Variants in BMERB1 observed in about 807,000 individuals in gnomAD.
BMERB1 encodes bMERB domain containing 1.
BMERB1 carries 12 observed loss-of-function variants against 23.6 expected under a neutral mutation model. The ratio of observed to expected loss-of-function variants is 0.51; its 90% CI spans 0.33 to 0.82. BMERB1 has a LOEUF of 0.82. BMERB1 is among the 40% of genes least tolerant of loss of function. The probability of loss-of-function intolerance (pLI) is 0.03; values close to 1 mark genes in which losing one functional copy is unlikely to be tolerated. For missense variants in BMERB1, 247 were observed against 255.4 expected (o/e 0.97, Z 0.22); for synonymous variants, 122 against 96.6 (o/e 1.26, Z -1.54).
chr16:15,502,738 C>T (rs1323441989), intron 1 of BMERB1, among the ~76,000 whole-genome samples: 1 of 152,094 alleles, frequency 6.6e-6, no homozygotes, highest in Non-Finnish European at 1.5e-5. Context: ...GGGTCAATAG[C>T]AGCAACTGGC....
At chr16:15,523,135 CG>C (rs2051873071) in intron 2 of BMERB1, among the ~76,000 whole-genome samples, 1 of 152,106 alleles carries the variant, frequency 6.6e-6, no homozygotes, top group Admixed American at 6.5e-5. Flanking sequence ...GGCACTCCTC[CG>C]ACTGCCCAGG....
At chr16:15,586,384 A>G (rs1272940362) in intron 5 of BMERB1, among the ~76,000 whole-genome samples, 1 of 152,156 alleles carries the variant, frequency 6.6e-6, no homozygotes, top group Non-Finnish European at 1.5e-5. Context: ...AAAATTTCCC[A>G]TTTATCTATT....
chr16:15,532,256 A>G (rs1423220485), intron 2 of BMERB1, among the ~76,000 whole-genome samples: 8 of 151,878 alleles, frequency 5.3e-5, no homozygotes, highest in Middle Eastern at 3.4e-3. Flanking sequence ...TTTTGAGACA[A>G]AGTCTCACTC....
chr16:15,492,304 C>G (rs1395060886), intron 1 of BMERB1, among the ~76,000 whole-genome samples: 2 of 152,306 alleles, frequency 1.3e-5, no homozygotes, highest in Middle Eastern at 3.4e-3. Context: ...GGCAGTCGAC[C>G]CTTCCCAAAC....
chr16:15,564,066 T>C (rs776026290), intron 2 of BMERB1, among the ~76,000 whole-genome samples: 4 of 152,190 alleles, frequency 2.6e-5, no homozygotes, highest in Admixed American at 6.5e-5. Flanking sequence ...TCTGCACACA[T>C]GAGCTCCCTT....
At chr16:15,451,755 T>C (rs1338351707) in intron 1 of BMERB1, among the ~76,000 whole-genome samples, 2 of 143,594 alleles carry the variant, frequency 1.4e-5, no homozygotes, top group Non-Finnish European at 3.0e-5. Flanking sequence ...TTTTTTTTTT[T>C]TGTAGAGACA....
intron 1 of BMERB1, among the ~76,000 whole-genome samples, chr16:15,457,078 G>T (rs2051093244): frequency 1.3e-5 from 2 of 151,774 alleles, no homozygotes; most frequent in Non-Finnish European, 1.5e-5. Flanking sequence ...CACCCACCTT[G>T]GCCTCCCAAA....
At chr16:15,509,923 C>A (rs2051641599) in intron 1 of BMERB1, among the ~76,000 whole-genome samples, 1 of 152,114 alleles carries the variant, frequency 6.6e-6, no homozygotes, top group African/African-American at 2.4e-5. Context: ...GGCCCTAAAT[C>A]TAATGAGACA....
intron 1 of BMERB1, among the ~76,000 whole-genome samples, chr16:15,472,842 A>T (rs899923858): frequency 1.2e-4 from 18 of 146,186 alleles, no homozygotes; most frequent in Non-Finnish European, 1.5e-4. Context: ...GTTACTTGAC[A>T]TATTTTAAGG....
chr16:15,553,114 TCTC>T (rs1481459259), intron 2 of BMERB1, among the ~76,000 whole-genome samples: 10 of 152,106 alleles, frequency 6.6e-5, no homozygotes, highest in Non-Finnish European at 1.5e-4. Context: ...TTCAAGCAAT[TCTC>T]CTGCCTCGGC....
intron 2 of BMERB1, among the ~76,000 whole-genome samples, chr16:15,567,451 T>C (rs1181382288): frequency 2.6e-5 from 4 of 152,140 alleles, no homozygotes; most frequent in Non-Finnish European, 4.4e-5. Flanking sequence ...CGAGGTGTTA[T>C]TAACAGTGAC....
At chr16:15,503,973 C>T (rs960199072) in intron 1 of BMERB1, among the ~76,000 whole-genome samples, 1 of 152,228 alleles carries the variant, frequency 6.6e-6, no homozygotes, top group Non-Finnish European at 1.5e-5. Context: ...TGCCACGAAG[C>T]AGGTTCTCAA....
At chr16:15,514,355 G>C (rs1288059464) in intron 1 of BMERB1, among the ~76,000 whole-genome samples, 2 of 152,122 alleles carry the variant, frequency 1.3e-5, no homozygotes. Context: ...CCTAGAGTCG[G>C]CTGGTCTTAG....
At chr16:15,461,423 C>T (rs555207237) in intron 1 of BMERB1, among the ~76,000 whole-genome samples, 42 of 152,204 alleles carry the variant, frequency 2.8e-4, no homozygotes, top group African/African-American at 9.9e-4. Flanking sequence ...TCTTTCTTCC[C>T]TGCTTCCTTC....
At chr16:15,521,810 C>T (rs560875343) in intron 2 of BMERB1, among the ~76,000 whole-genome samples, 20 of 152,206 alleles carry the variant, frequency 1.3e-4, no homozygotes, top group Non-Finnish European at 2.1e-4. Flanking sequence ...ATGCTTGAAA[C>T]GCCTGTGTTT....
intron 5 of BMERB1, among the ~76,000 whole-genome samples, chr16:15,585,737 G>A (rs1463922175): frequency 6.6e-6 from 1 of 152,126 alleles, no homozygotes; most frequent in Non-Finnish European, 1.5e-5. Flanking sequence ...GGCTGAGCAG[G>A]AGAATCGCTT....
At chr16:15,513,547 G>A (rs2051701497) in intron 1 of BMERB1, among the ~76,000 whole-genome samples, 4 of 152,212 alleles carry the variant, frequency 2.6e-5, no homozygotes, top group South Asian at 4.2e-4. Context: ...ACATTCACAC[G>A]CATATATATT....
intron 1 of BMERB1, among the ~76,000 whole-genome samples, chr16:15,461,445 C>G (rs921471482): frequency 1.3e-5 from 2 of 152,150 alleles, no homozygotes; most frequent in African/African-American, 2.4e-5. Flanking sequence ...CACACGCCCT[C>G]CACTCACCTC....
At chr16:15,484,983 T>C (rs1256285979) in intron 1 of BMERB1, among the ~76,000 whole-genome samples, 1 of 152,212 alleles carries the variant, frequency 6.6e-6, no homozygotes, top group Non-Finnish European at 1.5e-5. Flanking sequence ...CATCTACTTG[T>C]GTTGGCTTCA....
Sources: gnomAD v4.1 joint callset for allele counts (sites outside exome capture counted in the v4.1 genomes callset) on GRCh38, gnomAD v4.1.1 for gene constraint, MANE v1.5 for transcripts, NCBI Gene and HGNC (gene_info 2026-07-23, HGNC 2026-07-21) for gene names.